The following MARCHF1 variants were observed in gnomAD, a reference collection of about 807,000 sequenced individuals.
MARCHF1 encodes the protein membrane associated ring-CH-type finger 1, also known as E3 ubiquitin-protein ligase MARCHF1.
In MARCHF1, 40 loss-of-function variants were observed where a neutral mutation model predicts 54.2. That is an observed-to-expected ratio of 0.74 (90% CI 0.57 to 0.96). MARCHF1 has a LOEUF of 0.96. Ranked by LOEUF, MARCHF1 falls within the 40% of genes least tolerant of loss-of-function variation. MARCHF1 has a pLI of 0.00. For synonymous variants in MARCHF1, 236 were observed against 236.3 expected (o/e 1.00, Z 0.01); for missense variants, 586 against 656.5 (o/e 0.89, Z 1.17).
intron 2 of MARCHF1, among the ~76,000 whole-genome samples, chr4:163,991,743 T>C (rs1752970566): frequency 6.6e-6 from 1 of 152,190 alleles, no homozygotes; most frequent in South Asian, 2.1e-4. Context: ...CTATAATTAC[T>C]GTTGAAATCA....
At chr4:164,170,376 T>C (rs1489369105) in intron 1 of MARCHF1, among the ~76,000 whole-genome samples, 2 of 152,060 alleles carry the variant, frequency 1.3e-5, no homozygotes, top group African/African-American at 4.8e-5. Context: ...CTTCAAAACC[T>C]GTTTTAGCTT....
chr4:163,895,191 G>C (rs993592827), intron 3 of MARCHF1, among the ~76,000 whole-genome samples: 2 of 152,188 alleles, frequency 1.3e-5, no homozygotes, highest in African/African-American at 4.8e-5. Flanking sequence ...GCAATGGCTA[G>C]AATGTTGGCA....
At chr4:163,933,481 T>C (rs2111404197) in intron 3 of MARCHF1, among the ~76,000 whole-genome samples, 1 of 152,328 alleles carries the variant, frequency 6.6e-6, no homozygotes, top group South Asian at 2.1e-4. Context: ...CTTCATTTCA[T>C]ATAAACATAA....
chr4:164,224,122 G>C (rs962489964), intron 1 of MARCHF1, among the ~76,000 whole-genome samples: 4 of 151,092 alleles, frequency 2.6e-5, no homozygotes, highest in Non-Finnish European at 5.9e-5. Context: ...GGACAGCTTT[G>C]AATGAGGTCC....
chr4:164,066,406 T>C (rs1285194333), intron 2 of MARCHF1, among the ~76,000 whole-genome samples: 1 of 152,210 alleles, frequency 6.6e-6, no homozygotes, highest in Non-Finnish European at 1.5e-5. Flanking sequence ...GGAATGTTTT[T>C]ACACTGTTGG....
intron 5 of MARCHF1, among the ~76,000 whole-genome samples, chr4:163,682,172 G>GT (rs1744126133): frequency 6.6e-6 from 1 of 152,194 alleles, no homozygotes; most frequent in African/African-American, 2.4e-5. Context: ...TTGCCCTAGA[G>GT]ATAGTGAAAC....
intron 1 of MARCHF1, among the ~76,000 whole-genome samples, chr4:164,177,009 T>TATATATACATAC (rs1553989397): frequency 1.8e-5 from 1 of 55,576 alleles, no homozygotes; most frequent in African/African-American, 7.2e-5. Flanking sequence ...TATATATATA[T>TATATATACATAC]ACAAATGATA....
chr4:164,139,553 A>T (rs939330785), intron 1 of MARCHF1, among the ~76,000 whole-genome samples: 1 of 152,128 alleles, frequency 6.6e-6, no homozygotes, highest in African/African-American at 2.4e-5. Context: ...ACCTTCTGTC[A>T]CAAAGGGGCT....
At chr4:164,254,795 G>C (rs746126266) in intron 1 of MARCHF1, among the ~76,000 whole-genome samples, 1 of 152,074 alleles carries the variant, frequency 6.6e-6, no homozygotes, top group Non-Finnish European at 1.5e-5. Flanking sequence ...CTTTATATTC[G>C]CTGGAAGCTG....
At chr4:163,700,508 A>C (rs893528511) in intron 5 of MARCHF1, among the ~76,000 whole-genome samples, 4 of 135,250 alleles carry the variant, frequency 3.0e-5, no homozygotes, top group Admixed American at 7.6e-5. Flanking sequence ...CTGTCTAAAA[A>C]GATAGATAGA....
intron 1 of MARCHF1, among the ~76,000 whole-genome samples, chr4:164,376,471 T>C (rs1157386957): frequency 2.0e-5 from 3 of 152,134 alleles, no homozygotes; most frequent in African/African-American, 4.8e-5. Flanking sequence ...TAAAAAATTA[T>C]GTGCAAATAA....
chr4:163,786,672 C>T (rs1747629758), intron 4 of MARCHF1, among the ~76,000 whole-genome samples: 1 of 151,856 alleles, frequency 6.6e-6, no homozygotes, highest in African/African-American at 2.4e-5. Context: ...CCCTAGCAAT[C>T]CACAGATTCA....
intron 3 of MARCHF1, among the ~76,000 whole-genome samples, chr4:163,930,101 G>A (rs1173165710): frequency 2.0e-5 from 3 of 147,952 alleles, no homozygotes; most frequent in Non-Finnish European, 4.5e-5. Flanking sequence ...AGATAAAATG[G>A]AAATTTTGTC....
At chr4:164,076,734 C>T (rs1016577634) in intron 2 of MARCHF1, among the ~76,000 whole-genome samples, 12 of 152,122 alleles carry the variant, frequency 7.9e-5, no homozygotes, top group Non-Finnish European at 1.5e-4. Context: ...CATTCCTATA[C>T]ACCAATAAGA....
chr4:164,358,453 T>A (rs745771270), intron 1 of MARCHF1, among the ~76,000 whole-genome samples: 1 of 152,142 alleles, frequency 6.6e-6, no homozygotes, highest in Admixed American at 6.5e-5. Context: ...AGAAGAAAAC[T>A]GATAAGAAAC....
At chr4:164,250,024 T>C (rs1733077928) in intron 1 of MARCHF1, among the ~76,000 whole-genome samples, 1 of 151,980 alleles carries the variant, frequency 6.6e-6, no homozygotes, top group Admixed American at 6.6e-5. Context: ...GAAACCGAGG[T>C]AGTTGAAGTT....
At chr4:163,994,930 A>AT (rs1753044830) in intron 2 of MARCHF1, among the ~76,000 whole-genome samples, 1 of 152,046 alleles carries the variant, frequency 6.6e-6, no homozygotes, top group Non-Finnish European at 1.5e-5. Flanking sequence ...TCAAACTGTG[A>AT]TTTTCTATTT....
chr4:164,069,589 G>A (rs1048563285), intron 2 of MARCHF1, among the ~76,000 whole-genome samples: 1 of 152,076 alleles, frequency 6.6e-6, no homozygotes, highest in Non-Finnish European at 1.5e-5. Context: ...CTGGGCCAGT[G>A]AGACCACGAA....
chr4:164,184,343 T>C (rs1237179028), intron 1 of MARCHF1, among the ~76,000 whole-genome samples: 1 of 152,216 alleles, frequency 6.6e-6, no homozygotes, highest in Non-Finnish European at 1.5e-5. Context: ...ATTATCTATA[T>C]GCTTTTGCCA....
Sources: gnomAD v4.1 joint callset for allele counts (sites outside exome capture counted in the v4.1 genomes callset) on GRCh38, gnomAD v4.1.1 for gene constraint, MANE v1.5 for transcripts, NCBI Gene and HGNC (gene_info 2026-07-23, HGNC 2026-07-21) for gene names.